ANKDD1A: variants seen among roughly 807,000 people sequenced by gnomAD.
ANKDD1A encodes the protein ankyrin repeat and death domain-containing protein 1A.
In ANKDD1A, 59 loss-of-function variants were observed where a neutral mutation model predicts 63.5. That is an observed-to-expected ratio of 0.93 (90% CI 0.75 to 1.15). The LOEUF is 1.15. ANKDD1A is among the 50% of genes most tolerant of loss of function. ANKDD1A has a pLI of 0.00. For synonymous variants in ANKDD1A, 266 were observed against 263.9 expected, an observed-to-expected ratio of 1.01 and a Z score of -0.08; for missense variants, 632 against 656.4, an observed-to-expected ratio of 0.96 and a Z score of 0.41.
chr15:64,915,971 T>C (rs1048292174), intron 2 of ANKDD1A, 71 bp downstream of exon 2: 2 of 1,448,968 alleles, frequency 1.4e-6, no homozygotes, highest in Non-Finnish European at 1.9e-6. Flanking sequence ...ACAGGGGGAA[T>C]AGTTTATCTG....
At chr15:64,946,604 A>G (rs1294727070) in intron 12 of ANKDD1A, among the ~76,000 whole-genome samples, 1 of 152,182 alleles carries the variant, frequency 6.6e-6, no homozygotes, top group Non-Finnish European at 1.5e-5. Context: ...CTGGACCCCT[A>G]GGCCAATTCA....
At chr15:64,931,645 GCAGTAACGGC>G in intron 8 of ANKDD1A, 60 bp downstream of exon 8, 1 of 1,551,950 alleles carries the variant, frequency 6.4e-7, no homozygotes, top group Non-Finnish European at 8.8e-7. Flanking sequence ...AGCCATGTCG[GCAGTAACGGC>G]CACAGGGATT....
chr15:64,929,255 C>A (rs1393243102), intron 6 of ANKDD1A, among the ~76,000 whole-genome samples: 1 of 152,016 alleles, frequency 6.6e-6, no homozygotes, highest in Non-Finnish European at 1.5e-5. Flanking sequence ...CTCATTGCAG[C>A]CTCAACTTCC....
chr15:64,958,481 TAGAA>T lies in ANKDD1A; in HGVS notation c.*1296_*1299del, dbSNP rs1463829576. ...CTCTAAACCTAAAACTGTTCTAAAATAGAAAGTCTGTGAAAAAAAACAAAAGTAA... is the reference window on the plus strand; with the variant it reads ...CTCTAAACCTAAAACTGTTCTAAAATAGTCTGTGAAAAAAAACAAAAGTAA... On this transcript the variant is annotated 3_prime_UTR_variant, in exon 15 of 15. Coordinates refer to ENST00000319580, the MANE Select transcript of ANKDD1A (RefSeq NM_182703.6). 6.6e-6 allele frequency: 1 copy of T among 151,810 alleles called. No homozygotes were observed. The highest frequency in any genetic ancestry group is 1.5e-5 in the Non-Finnish European group (1 of 67,946). The allele number at this position is 151,810 out of a possible 1,614,324, so 9.4% of individuals were successfully genotyped here.
At chr15:64,919,394 G>A (rs1243137185) in intron 3 of ANKDD1A, among the ~76,000 whole-genome samples, 2 of 152,196 alleles carry the variant, frequency 1.3e-5, no homozygotes, top group Non-Finnish European at 2.9e-5. Context: ...AGGTCTCCTG[G>A]CCTCTTCGGC....
At chr15:64,921,815 T>G in intron 3 of ANKDD1A, 106 bp from the exon 4 acceptor site, 3 of 938,560 alleles carry the variant, frequency 3.2e-6, no homozygotes. Context: ...TAAGTGGCAC[T>G]TATAGTTCCT....
intron 14 of ANKDD1A, among the ~76,000 whole-genome samples, chr15:64,953,530 TC>T (rs2085344258): frequency 3.9e-4 from 23 of 58,708 alleles, no homozygotes; most frequent in African/African-American, 1.2e-3. Flanking sequence ...TCTTCCTTCT[TC>T]TCCTCTCCTT....
chr15:64,954,281 CCTT>C (rs1257317158), intron 14 of ANKDD1A, among the ~76,000 whole-genome samples: 2 of 132,686 alleles, frequency 1.5e-5, no homozygotes, highest in Non-Finnish European at 3.3e-5. Flanking sequence ...CTTTCTTCTT[CCTT>C]CTTAGTTCTC....
chr15:64,927,084 G>C, intron 6 of ANKDD1A, 85 bp downstream of exon 6: 1 of 1,405,600 alleles, frequency 7.1e-7, no homozygotes, highest in Non-Finnish European at 1.0e-6. Context: ...CTGTGTCCAC[G>C]TCTGACTCCG....
chr15:64,927,100 G>T (rs944557928), intron 6 of ANKDD1A, 101 bp downstream of exon 6: 3 of 1,232,420 alleles, frequency 2.4e-6, no homozygotes, highest in Non-Finnish European at 3.5e-6. Flanking sequence ...CTCCGATTGC[G>T]CTGGAGGCCC....
intron 4 of ANKDD1A, chr15:64,922,281 G>A: frequency 2.2e-6 from 1 of 458,270 alleles, no homozygotes. Flanking sequence ...AATTAAATGA[G>A]AAGGAGGTGA....
rs542967329 is a variant in ANKDD1A, at chr15:64,947,778, C to T, written c.1351+185C>T. Among the ~76,000 whole-genome samples, 9 of 152,326 alleles carry T rather than the reference C, an allele frequency of 5.9e-5. No homozygotes were observed. The South Asian group carries it at 1.2e-3, about 21-fold the overall frequency. On this transcript the variant is annotated intron_variant, in intron 13 of 14. Coordinates refer to ENST00000319580, the MANE Select transcript of ANKDD1A (RefSeq NM_182703.6). The stretch of plus-strand genomic sequence containing the variant: ...CCTCTGCACAGGGTGCACACTCTGC[C>T]TCTCCCCATTGATTGTGAATTTCAC...
At chr15:64,942,418 G>A (rs753276869) in intron 9 of ANKDD1A, 49 bp from the exon 10 acceptor site, 2 of 1,419,148 alleles carry the variant, frequency 1.4e-6, no homozygotes, top group African/African-American at 2.9e-5. Context: ...CTGCAGCTGG[G>A]CAGTCCTGGG....
chr15:64,926,452 A>G (rs1434652424), intron 5 of ANKDD1A, among the ~76,000 whole-genome samples: 2 of 152,084 alleles, frequency 1.3e-5, no homozygotes, highest in African/African-American at 2.4e-5. Context: ...GCATTTGGTA[A>G]ATAAACTGGA....
Position 64,917,519 on chromosome 15 carries a change from G to GTGTT in ANKDD1A, c.267+8_267+9insTTGT. 1.3e-6 allele frequency: 2 copies of GTGTT among 1,529,128 alleles called. No individual in the cohort carries two copies. The highest frequency in any genetic ancestry group is 1.8e-6 in the Non-Finnish European group (2 of 1,133,288). 94.7% of individuals were successfully genotyped at this position (1,529,128 alleles called of 1,614,324 possible). ...CTCACAGAGGCACGTCTGTGTGTAC[G>GTGTT]TGTCTGTCTGTCTGTCTGTCTCAGG... On this transcript the variant is annotated splice_donor_region_variant and intron_variant, in intron 3 of 14. Coordinates refer to ENST00000319580, the MANE Select transcript of ANKDD1A (RefSeq NM_182703.6).
rs1388897940 is a variant in ANKDD1A, at chr15:64,954,662, CT to C, written c.1484-2439del. On this transcript the variant is annotated intron_variant, in intron 14 of 14. Transcript: ENST00000319580. ...TTCTTCCTTCTTCTTCTCCTTCTTTCTTCTTGTCTCTTCTTCTTCTCTCCTT... is the reference window on the plus strand; with the variant it reads ...TTCTTCCTTCTTCTTCTCCTTCTTTCTCTTGTCTCTTCTTCTTCTCTCCTT... Among the ~76,000 whole-genome samples, 12 of 122,044 alleles carry C rather than the reference CT, an allele frequency of 9.8e-5. No homozygotes were observed. The Admixed American group carries it at 9.9e-4, about 10-fold the overall frequency. The allele number at this position is 122,044 out of a possible 152,430, so 80.1% of individuals were successfully genotyped here. A position where few individuals can be genotyped will look rare whatever the true frequency, so the allele number is the denominator to read the frequency against.
intron 4 of ANKDD1A, among the ~76,000 whole-genome samples, chr15:64,923,131 C>G (rs190820034): frequency 6.6e-6 from 1 of 152,204 alleles, no homozygotes; most frequent in African/African-American, 2.4e-5. Flanking sequence ...ATCCTAATCC[C>G]TAGAACCTCT....
intron 14 of ANKDD1A, among the ~76,000 whole-genome samples, chr15:64,954,237 G>A (rs377698968): frequency 9.4e-4 from 88 of 93,568 alleles, no homozygotes; most frequent in Non-Finnish European, 1.6e-3. Context: ...CCTCTCCTTC[G>A]TCTTCTTAGT....
chr15:64,945,243 G>A (rs1348467685), intron 12 of ANKDD1A, among the ~76,000 whole-genome samples: 8 of 152,024 alleles, frequency 5.3e-5, no homozygotes, highest in Admixed American at 5.2e-4. Context: ...GAGTTTTTTG[G>A]TGTCCTTGGG....
Sources: gnomAD v4.1 joint callset for allele counts (sites outside exome capture counted in the v4.1 genomes callset) on GRCh38, gnomAD v4.1.1 for gene constraint, MANE v1.5 for transcripts, NCBI Gene and HGNC (gene_info 2026-07-23, HGNC 2026-07-21) for gene names.